PCDHGB1: variants seen among roughly 807,000 people sequenced by gnomAD.
PCDHGB1 encodes the protein protocadherin gamma-B1.
Under a neutral mutation model 56.6 loss-of-function variants are expected in PCDHGB1, and 34 were observed. That is an observed-to-expected ratio of 0.60 (90% CI 0.46 to 0.80). The LOEUF (loss-of-function observed/expected upper bound fraction) is 0.80. Ranked by LOEUF, PCDHGB1 falls within the 30% of genes least tolerant of loss-of-function variation. PCDHGB1 has a pLI of 0.00. For synonymous variants in PCDHGB1, 561 were observed against 505.9 expected, an observed-to-expected ratio of 1.11 and a Z score of -1.46; for missense variants, 1,278 against 1,204.6, an observed-to-expected ratio of 1.06 and a Z score of -0.90.
At chr5:141,376,262 G>A (rs1417719002) in intron 1 of PCDHGB1, 2 of 1,614,108 alleles carry the variant, frequency 1.2e-6, no homozygotes, top group Admixed American at 1.7e-5. Context: ...CCTGCTGCAG[G>A]CTTCGGGAGG....
intron 1 of PCDHGB1, chr5:141,420,925 G>A: frequency 2.8e-6 from 1 of 355,536 alleles, no homozygotes; most frequent in Non-Finnish European, 5.1e-6. Context: ...TCACAAAGGT[G>A]AGCGTAATCA....
chr5:141,498,807 C>G (rs113587634), intron 2 of PCDHGB1, among the ~76,000 whole-genome samples: 1 of 152,030 alleles, frequency 6.6e-6, no homozygotes, highest in Non-Finnish European at 1.5e-5. Flanking sequence ...GTGGTGCACA[C>G]CTGTAGTCCC....
At chr5:141,375,529 C>G (rs370346410) in intron 1 of PCDHGB1, 1 of 1,614,026 alleles carries the variant, frequency 6.2e-7, no homozygotes, top group African/African-American at 1.3e-5. Context: ...CTGACGTGGA[C>G]CAGAACGCCC....
At chr5:141,450,835 T>TATTA (rs1438371595) in intron 1 of PCDHGB1, among the ~76,000 whole-genome samples, 1 of 142,096 alleles carries the variant, frequency 7.0e-6, no homozygotes, top group Admixed American at 6.9e-5. Context: ...TATTATTTTT[T>TATTA]TTTTTTTGAG....
Position 141,362,398 on chromosome 5 carries a change from T to C in PCDHGB1, c.2409+9729T>C, listed in dbSNP as rs748697747. 16 of 1,613,926 alleles carry C rather than the reference T, an allele frequency of 9.9e-6. No individual in the cohort carries two copies. Among genetic ancestry groups the C allele is most frequent in the Admixed American group, 5.0e-5 (3 of 60,014 alleles). ...TACATTGCCCTATTCCTACAACCTG[T>C]GTGTTGCCTCACAATCAGCCAAGAC... On this transcript the variant is annotated intron_variant, in intron 1 of 3. Coordinates refer to ENST00000523390, the MANE Select transcript of PCDHGB1 (RefSeq NM_018922.3).
rs766622647 is a variant in PCDHGB1, at chr5:141,351,377, G to A, written c.1117G>A (p.Gly373Arg). The change falls in exon 1 of 4, where the codon GGG becomes AGG. Residue 373 changes from glycine (G) to arginine (R), a missense_variant. Physicochemically the swap from Gly to Arg is moderately radical, Grantham distance 125 (BLOSUM62 -2). Coordinates refer to ENST00000523390, the MANE Select transcript of PCDHGB1 (RefSeq NM_018922.3). ...ALIKVRDKDSGQNGMVTCYTQ... is the reference protein window; with the variant it reads ...ALIKVRDKDSRQNGMVTCYTQ... ...CATAAAAGTGCGAGACAAGGATTCTGGGCAAAATGGCATGGTGACATGCTA... is the reference window on the plus strand; with the variant it reads ...CATAAAAGTGCGAGACAAGGATTCTAGGCAAAATGGCATGGTGACATGCTA... 6.2e-6 allele frequency: 10 copies of A among 1,612,344 alleles called. No individual in the cohort carries two copies. Among genetic ancestry groups the A allele is most frequent in the Non-Finnish European group, 8.5e-6 (10 of 1,179,100 alleles).
chr5:141,489,089 A>C lies in PCDHGB1; in HGVS notation c.2410-5718A>C. 6 of 284,452 alleles carry C rather than the reference A, an allele frequency of 2.1e-5. No individual in the cohort carries two copies. The highest frequency in any genetic ancestry group is 5.7e-5 in the East Asian group (1 of 17,568). The allele number at this position is 284,452 out of a possible 1,614,324, so 17.6% of individuals were successfully genotyped here. A position where few individuals can be genotyped will look rare whatever the true frequency, so the allele number is the denominator to read the frequency against. Reference sequence around the variant, plus strand: ...CCCTGCCCACCCCCGCCACTCGGTGACTAAGAACTGCTGCAAGCAGGCAAA... The same window carrying C: ...CCCTGCCCACCCCCGCCACTCGGTGCCTAAGAACTGCTGCAAGCAGGCAAA... On this transcript the variant is annotated intron_variant, in intron 1 of 3. Transcript: ENST00000523390. This position sits in a 1 kb window ranked among gnomAD's most constrained non-coding sequence, Gnocchi z 4.5.
At position 141,477,167 on chromosome 5, in the gene PCDHGB1, G is replaced by A; in HGVS notation, c.2410-17640G>A. On this transcript the variant is annotated intron_variant, in intron 1 of 3. Coordinates refer to ENST00000523390, the MANE Select transcript of PCDHGB1 (RefSeq NM_018922.3). This position sits in a 1 kb window ranked among gnomAD's most constrained non-coding sequence, Gnocchi z 4.9. ...TGTGGATGTGAATGACAACGCCCCGGAGATCACAGTCACCTCCGTGTACAG... is the reference window on the plus strand; with the variant it reads ...TGTGGATGTGAATGACAACGCCCCGAAGATCACAGTCACCTCCGTGTACAG... 6.2e-7 allele frequency: 1 copy of A among 1,614,166 alleles called. No homozygotes were observed. Among genetic ancestry groups the A allele is most frequent in the South Asian group, 1.1e-5 (1 of 91,076 alleles).
intron 1 of PCDHGB1, chr5:141,384,749 T>C (rs781370362): frequency 5.0e-6 from 8 of 1,613,822 alleles, no homozygotes; most frequent in Non-Finnish European, 4.2e-6. Flanking sequence ...CCAGGACTCT[T>C]TGCGGTTGGG....
intron 1 of PCDHGB1, chr5:141,375,344 A>T: frequency 6.2e-7 from 1 of 1,613,836 alleles, no homozygotes; most frequent in South Asian, 1.1e-5. Context: ...GTACAACATC[A>T]CTGTGACAGC....
intron 1 of PCDHGB1, chr5:141,424,567 A>T (rs1034112526): frequency 3.3e-5 from 5 of 152,176 alleles, no homozygotes; most frequent in African/African-American, 7.2e-5. Flanking sequence ...CTTCTCAAAA[A>T]CCTATTTTCA....
intron 1 of PCDHGB1, among the ~76,000 whole-genome samples, chr5:141,483,201 C>A (rs2099578254): frequency 6.6e-6 from 1 of 152,108 alleles, no homozygotes; most frequent in Non-Finnish European, 1.5e-5. Context: ...TTATTTTATT[C>A]CATATAGATG....
intron 1 of PCDHGB1, chr5:141,375,005 G>A (rs757710290): frequency 1.2e-6 from 2 of 1,613,892 alleles, no homozygotes; most frequent in African/African-American, 2.7e-5. Context: ...TGCAAATCTA[G>A]ACTATGAGGA....
chr5:141,483,711 A>G (rs1258383632), intron 1 of PCDHGB1, among the ~76,000 whole-genome samples: 2 of 152,122 alleles, frequency 1.3e-5, no homozygotes, highest in African/African-American at 2.4e-5. Context: ...TGACACCAGA[A>G]TATTGGTTCC....
chr5:141,485,566 C>G lies in PCDHGB1; in HGVS notation c.2410-9241C>G, dbSNP rs768144422. On this transcript the variant is annotated intron_variant, in intron 1 of 3. Transcript: ENST00000523390. This position sits in a 1 kb window ranked among gnomAD's most constrained non-coding sequence, Gnocchi z 5.7. ...TCGTAGATGTGAATGATCACGCCCC[C>G]CGTTTTCCGCGGCAGCAGCTGGACT... 2.5e-6 allele frequency: 4 copies of G among 1,612,808 alleles called. No homozygotes were observed. Among genetic ancestry groups the G allele is most frequent in the South Asian group, 2.2e-5 (2 of 91,028 alleles).
chr5:141,415,885 C>A (rs778154458), intron 1 of PCDHGB1: 7 of 978,904 alleles, frequency 7.2e-6, no homozygotes, highest in Non-Finnish European at 9.6e-6. Context: ...ACAATATTGA[C>A]AATTCCTAAG....
Position 141,498,971 on chromosome 5 carries a change from GGGAAGGAAGGAAGGAAGGAAGGAA to G in PCDHGB1, c.2468+4140_2468+4163del, listed in dbSNP as rs201769957. 5.1e-3 allele frequency among the ~76,000 whole-genome samples: 569 copies of G among 111,048 alleles called. 6 individuals carry two copies. Among genetic ancestry groups the G allele is most frequent in the South Asian group, 0.024 (65 of 2,658 alleles). 72.9% of individuals were successfully genotyped at this position (111,048 alleles called of 152,430 possible). A position where few individuals can be genotyped will look rare whatever the true frequency, so the allele number is the denominator to read the frequency against. On this transcript the variant is annotated intron_variant, in intron 2 of 3. Coordinates refer to ENST00000523390, the MANE Select transcript of PCDHGB1 (RefSeq NM_018922.3). ...AAAAAGAGAGAGAGGGAGGGAGGGA[GGGAAGGAAGGAAGGAAGGAAGGAA>G]GGAAGGAAGGAAGGAAGGAAGGAAG...
intron 1 of PCDHGB1, among the ~76,000 whole-genome samples, chr5:141,451,329 A>G (rs991467686): frequency 2.6e-5 from 4 of 152,196 alleles, no homozygotes; most frequent in African/African-American, 9.6e-5. Context: ...ACCTAAGGCT[A>G]TTGTCTTATC....
chr5:141,409,608 C>T, intron 1 of PCDHGB1: 18 of 1,613,942 alleles, frequency 1.1e-5, no homozygotes, highest in Non-Finnish European at 1.4e-5. Flanking sequence ...CCGCCAGGAG[C>T]CTCCATTGCG....
Sources: allele counts gnomAD v4.1 joint callset (sites outside exome capture counted in the v4.1 genomes callset), GRCh38; gene constraint gnomAD v4.1.1; non-coding constraint Gnocchi (gnomAD v3.1); transcripts MANE v1.5; gene names NCBI Gene and HGNC (gene_info 2026-07-23, HGNC 2026-07-21).